PHLDB3: variants seen among roughly 807,000 people sequenced by gnomAD.
PHLDB3 encodes pleckstrin homology like domain family B member 3.
Under a neutral mutation model 85.7 loss-of-function variants are expected in PHLDB3, and 86 were observed. The observed-to-expected ratio is 1.00, with a 90% CI of 0.84 to 1.20. The LOEUF (loss-of-function observed/expected upper bound fraction) is 1.20. Among genes scored for constraint, PHLDB3 ranks in the 50% most tolerant of loss-of-function variants. The pLI, the probability that PHLDB3 is intolerant of heterozygous loss-of-function variation, is 0.00. For missense variants in PHLDB3, 995 were observed against 873.0 expected, an observed-to-expected ratio of 1.14 and a Z score of -1.76; for synonymous variants, 376 against 349.8, an observed-to-expected ratio of 1.07 and a Z score of -0.83.
In PHLDB3 at chr19:43,487,051, G is replaced by GA; in HGVS notation, c.1221_1222insT (p.Pro408SerfsTer10). ...GTACAATGGAAGGACAGAGGTCGGG[G>GA]GGATCCTCTCTGGCTCCCCCTCTCC... On this transcript the variant is annotated frameshift_variant, in exon 10 of 16. Transcript: ENST00000292140. LOFTEE classifies it high-confidence loss of function. 6.3e-7 allele frequency: 1 copy of GA among 1,579,144 alleles called. No homozygotes were observed. The highest frequency in any genetic ancestry group is 8.6e-7 in the Non-Finnish European group (1 of 1,164,024).
chr19:43,479,579 TG>T lies in PHLDB3; in HGVS notation c.1499del (p.Pro500HisfsTer41). On this transcript the variant is annotated frameshift_variant, in exon 14 of 16. Coordinates refer to ENST00000292140, the MANE Select transcript of PHLDB3 (RefSeq NM_198850.4). LOFTEE classifies it high-confidence loss of function. ...AVPAITAPPT[P>X]PHPPGPRILD... The stretch of plus-strand genomic sequence containing the variant: ...AGATTCGCGGGCCTGGAGGGTGGGG[TG>T]GGGTGGGTGGGGCCTGGGGAGCAAA... 1 of 121,770 alleles carries T rather than the reference TG, an allele frequency of 8.2e-6. No individual in the cohort carries two copies. Among genetic ancestry groups the T allele is most frequent in the Non-Finnish European group, 1.7e-5 (1 of 60,010 alleles). The allele number at this position is 121,770 out of a possible 1,614,324, so 7.5% of individuals were successfully genotyped here.
At chr19:43,487,396 G>A (rs1221937480) in intron 9 of PHLDB3, among the ~76,000 whole-genome samples, 1 of 151,892 alleles carries the variant, frequency 6.6e-6, no homozygotes, top group Non-Finnish European at 1.5e-5. Flanking sequence ...CCAATATGGT[G>A]AAACCCCATC....
chr19:43,496,014 CTCT>C (rs1451092805), intron 6 of PHLDB3: 1 of 153,892 alleles, frequency 6.5e-6, no homozygotes, highest in Non-Finnish European at 1.4e-5. Context: ...CCAAGAAAAG[CTCT>C]TTTTTTTTTT....
chr19:43,481,167 C>CT (rs34959503), intron 13 of PHLDB3, among the ~76,000 whole-genome samples: 35,378 of 152,110 alleles, frequency 0.23, 4,147 homozygotes, highest in Non-Finnish European at 0.24. Flanking sequence ...ACCAGCCACA[C>CT]TTTGAGTGTC....
chr19:43,492,513 C>G (rs186374043), intron 9 of PHLDB3, among the ~76,000 whole-genome samples: 4 of 152,090 alleles, frequency 2.6e-5, no homozygotes, highest in Admixed American at 6.6e-5. Context: ...CCAAGCCCAG[C>G]CCACACACTG....
In PHLDB3 at chr19:43,501,736, G is replaced by A; in HGVS notation, c.532C>T (p.Gln178Ter). 6.3e-7 allele frequency: 1 copy of A among 1,584,010 alleles called. No individual in the cohort carries two copies. The change falls in exon 4 of 16, where the codon CAG becomes TAG. Residue 178 changes from glutamine to a stop codon, truncating the protein, a stop_gained and splice_region_variant. Transcript: ENST00000292140. LOFTEE classifies it high-confidence loss of function. The stretch of plus-strand genomic sequence containing the variant: ...AAGACCCGGTGAGCCAAACAGACCT[G>A]TTCCCGCTGCTGGCGGCCGCGCTGC... The part of the protein sequence containing the change: ...SEQRGRQQRE[Q>*]EQRRLSQERD...
intron 1 of PHLDB3, 92 bp from the exon 2 acceptor site, chr19:43,504,224 C>A (rs1390920412): frequency 1.7e-6 from 2 of 1,180,882 alleles, no homozygotes; most frequent in Non-Finnish European, 2.3e-6. Flanking sequence ...AGACCCCCCC[C>A]CAAGGAGGCG....
At chr19:43,486,119 C>T in intron 13 of PHLDB3, 147 bp downstream of exon 13, 1 of 1,406,332 alleles carries the variant, frequency 7.1e-7, no homozygotes, top group South Asian at 1.7e-5. Context: ...AGGAACTGGT[C>T]CTCTGCAGTT....
intron 4 of PHLDB3, among the ~76,000 whole-genome samples, chr19:43,500,922 C>CCG (rs1555757863): frequency 1.7e-5 from 2 of 118,748 alleles, no homozygotes; most frequent in South Asian, 3.7e-4. Context: ...CCCCCCCCAC[C>CCG]CCGCAAGTAC....
Position 43,487,446 on chromosome 19 carries a change from G to GC in PHLDB3, c.1150-324dup, listed in dbSNP as rs750545755. Reference sequence around the variant, plus strand: ...AGAAATTAGCCGGGCATGGTGGCACGCGCCTGTAGTCCCAGCTACTCGGGA... The same window carrying GC: ...AGAAATTAGCCGGGCATGGTGGCACGCCGCCTGTAGTCCCAGCTACTCGGGA... On this transcript the variant is annotated intron_variant, in intron 9 of 15. Transcript: ENST00000292140. 1.4e-4 allele frequency among the ~76,000 whole-genome samples: 21 copies of GC among 151,636 alleles called. No homozygotes were observed. In the East Asian group the frequency reaches 1.8e-3, roughly 13 times the overall value.
chr19:43,475,708 G>A (rs1970914350), intron 15 of PHLDB3, among the ~76,000 whole-genome samples, 164 bp from the exon 16 acceptor site: 1 of 152,160 alleles, frequency 6.6e-6, no homozygotes, highest in Non-Finnish European at 1.5e-5. Flanking sequence ...CTACCTCACT[G>A]GGTTATAAGG....
chr19:43,503,280 G>GTCTGTCTCTCTCTC (rs1971661396), intron 2 of PHLDB3, among the ~76,000 whole-genome samples: 2 of 141,890 alleles, frequency 1.4e-5, no homozygotes, highest in Non-Finnish European at 3.1e-5. Flanking sequence ...TGTCTATCTG[G>GTCTGTCTCTCTCTC]TCTCTCTCTC....
intron 9 of PHLDB3, among the ~76,000 whole-genome samples, chr19:43,490,825 G>A (rs1439183011): frequency 6.6e-6 from 1 of 152,148 alleles, no homozygotes; most frequent in Admixed American, 6.6e-5. Flanking sequence ...AGGCCGGTTC[G>A]GGTTCAAATC....
intron 5 of PHLDB3, 124 bp from the exon 6 acceptor site, chr19:43,497,403 G>T: frequency 1.2e-6 from 1 of 828,176 alleles, no homozygotes; most frequent in Non-Finnish European, 1.8e-6. Flanking sequence ...CCTGGGTCCT[G>T]GGGAGGAGGG....
intron 9 of PHLDB3, among the ~76,000 whole-genome samples, chr19:43,489,088 C>G (rs923546591): frequency 6.6e-6 from 1 of 152,146 alleles, no homozygotes; most frequent in Non-Finnish European, 1.5e-5. Flanking sequence ...GCGTGAGCCA[C>G]CGCACCCAAG....
At chr19:43,484,594 C>G (rs929832075) in intron 13 of PHLDB3, among the ~76,000 whole-genome samples, 4 of 151,956 alleles carry the variant, frequency 2.6e-5, no homozygotes, top group Non-Finnish European at 4.4e-5. Context: ...CACCTGTACT[C>G]CCAGCTACTC....
chr19:43,495,414 A>G lies in PHLDB3; in HGVS notation c.952-75T>C, dbSNP rs931707181. The G allele has an allele frequency of 1.5e-5, 24 of 1,598,482 alleles. No individual in the cohort carries two copies. The African/African-American group carries it at 2.9e-4, about 20-fold the overall frequency. ...CAGCTGCTTTCCCTAATGTCAGGAGACATCTGGGGTGCAGGGAGGTGGTGG... is the reference window on the plus strand; with the variant it reads ...CAGCTGCTTTCCCTAATGTCAGGAGGCATCTGGGGTGCAGGGAGGTGGTGG... On this transcript the variant is annotated intron_variant, in intron 7 of 15. Transcript: ENST00000292140.
intron 13 of PHLDB3, among the ~76,000 whole-genome samples, chr19:43,480,569 G>C (rs968112432): frequency 2.0e-5 from 3 of 152,118 alleles, no homozygotes; most frequent in African/African-American, 7.2e-5. Context: ...CTCCAGCCTG[G>C]GTGATTGAGT....
chr19:43,498,400 G>GAAGGAGAGAGAGAAAGA (rs1307021646), intron 4 of PHLDB3, among the ~76,000 whole-genome samples: 6 of 150,826 alleles, frequency 4.0e-5, no homozygotes, highest in African/African-American at 1.2e-4. Flanking sequence ...AGGAACGAAG[G>GAAGGAGAGAGAGAAAGA]AAGGAGAGAG....
Sources: gnomAD v4.1 joint callset for allele counts (sites outside exome capture counted in the v4.1 genomes callset) on GRCh38, gnomAD v4.1.1 for gene constraint, MANE v1.5 for transcripts, NCBI Gene and HGNC (gene_info 2026-07-23, HGNC 2026-07-21) for gene names.